The following ROBO2 variants were observed in gnomAD, a reference collection of about 807,000 sequenced individuals.
ROBO2 encodes roundabout homolog 2.
In ROBO2, 53 loss-of-function variants were observed where a neutral mutation model predicts 160.8. The ratio of observed to expected loss-of-function variants is 0.33; its 90% CI spans 0.26 to 0.41. The LOEUF (loss-of-function observed/expected upper bound fraction) is 0.41, where lower values mean the gene tolerates loss of function less well. Ranked by LOEUF, ROBO2 falls within the 10% of genes least tolerant of loss-of-function variation. The pLI, the probability that ROBO2 is intolerant of heterozygous loss-of-function variation, is 1.00. For missense variants in ROBO2, 1,577 were observed against 1,722.4 expected, an observed-to-expected ratio of 0.92 and a Z score of 1.49; for synonymous variants, 664 against 611.7, an observed-to-expected ratio of 1.09 and a Z score of -1.26.
intron 2 of ROBO2, among the ~76,000 whole-genome samples, chr3:77,118,315 A>T (rs527347355): frequency 6.6e-6 from 1 of 152,322 alleles, no homozygotes; most frequent in Admixed American, 6.5e-5. Context: ...ACTGCTGTGG[A>T]TGTTCAAAAA....
intron 2 of ROBO2, among the ~76,000 whole-genome samples, chr3:76,279,669 C>G (rs1553694880): frequency 6.6e-6 from 1 of 151,902 alleles, no homozygotes; most frequent in Non-Finnish European, 1.5e-5. Context: ...TGTCCTTTAA[C>G]ATTCCATATT....
At chr3:77,222,013 C>T (rs1454468465) in intron 2 of ROBO2, among the ~76,000 whole-genome samples, 3 of 151,866 alleles carry the variant, frequency 2.0e-5, no homozygotes, top group Non-Finnish European at 4.4e-5. Context: ...CCACTACTCC[C>T]AGCTAATTTT....
At chr3:76,176,492 G>C (rs1360466289) in intron 2 of ROBO2, among the ~76,000 whole-genome samples, 1 of 152,048 alleles carries the variant, frequency 6.6e-6, no homozygotes, top group Non-Finnish European at 1.5e-5. Flanking sequence ...GAAGTACTAA[G>C]AGAATACAGA....
intron 2 of ROBO2, among the ~76,000 whole-genome samples, chr3:76,740,016 T>C (rs563792693): frequency 5.9e-5 from 9 of 152,326 alleles, no homozygotes; most frequent in Non-Finnish European, 1.3e-4. Flanking sequence ...TTTTTGAACA[T>C]ATCTTTTTGC....
At chr3:76,480,170 C>A (rs1158732755) in intron 2 of ROBO2, among the ~76,000 whole-genome samples, 1 of 152,132 alleles carries the variant, frequency 6.6e-6, no homozygotes, top group Non-Finnish European at 1.5e-5. Flanking sequence ...CTTGCCAATT[C>A]TTTTTGTTTC....
intron 2 of ROBO2, among the ~76,000 whole-genome samples, chr3:76,471,221 C>A (rs908929343): frequency 3.3e-5 from 5 of 152,078 alleles, no homozygotes; most frequent in Admixed American, 3.3e-4. Context: ...GAAGTCATGG[C>A]AGGTAACAGG....
At chr3:76,742,648 C>A (rs895893809) in intron 2 of ROBO2, among the ~76,000 whole-genome samples, 1 of 152,086 alleles carries the variant, frequency 6.6e-6, no homozygotes, top group Non-Finnish European at 1.5e-5. Flanking sequence ...TAGCTTTTTA[C>A]AAGAACATCA....
intron 2 of ROBO2, among the ~76,000 whole-genome samples, chr3:77,398,774 C>T (rs13088007): frequency 0.5 from 75,769 of 151,036 alleles, 20,488 homozygotes; most frequent in African/African-American, 0.72. Flanking sequence ...TGGTAGAGAG[C>T]GGGGTTTCAC....
intron 2 of ROBO2, among the ~76,000 whole-genome samples, chr3:76,703,333 C>G (rs755540031): frequency 6.6e-6 from 1 of 152,032 alleles, no homozygotes; most frequent in Non-Finnish European, 1.5e-5. Flanking sequence ...CACTAAACAC[C>G]AATATTTACT....
intron 2 of ROBO2, among the ~76,000 whole-genome samples, chr3:77,410,753 CTCT>C (rs2076729428): frequency 1.4e-5 from 2 of 147,616 alleles, no homozygotes; most frequent in Non-Finnish European, 3.0e-5. Flanking sequence ...TTTCCTCCTC[CTCT>C]TCCTCCTCCT....
In ROBO2 at chr3:77,580,008, G is replaced by A. The variant is rs201678507; in HGVS notation, c.2390G>A (p.Arg797Gln). 4.3e-5 allele frequency: 69 copies of A among 1,613,612 alleles called. No individual in the cohort carries two copies. In the Middle Eastern group the frequency reaches 8.2e-4, roughly 19 times the overall value. Reference sequence around the variant, plus strand: ...AACAAAACTGTGGATGCAGCCATTCGGTCCGTAATAATTGGTGGATTATTC... The same window carrying A: ...AACAAAACTGTGGATGCAGCCATTCAGTCCGTAATAATTGGTGGATTATTC... The change falls in exon 16 of 26, where the codon CGG becomes CAG. Residue 797 changes from arginine to glutamine, a missense_variant. Around this residue, in one of 2 missense-constraint regions of ROBO2, gnomAD observed 940 missense variants for 1,135.5 expected, o/e 0.83. Transcript: ENST00000461745.
chr3:76,372,109 T>A (rs1156581037), intron 2 of ROBO2, among the ~76,000 whole-genome samples: 1 of 151,902 alleles, frequency 6.6e-6, no homozygotes, highest in African/African-American at 2.4e-5. Flanking sequence ...CATGATGGGT[T>A]TTTTTGTACA....
At chr3:76,412,559 C>T (rs1291162827) in intron 2 of ROBO2, among the ~76,000 whole-genome samples, 1 of 152,174 alleles carries the variant, frequency 6.6e-6, no homozygotes, top group African/African-American at 2.4e-5. Context: ...TACAGCCACT[C>T]CAAATGGAAG....
intron 2 of ROBO2, among the ~76,000 whole-genome samples, chr3:76,624,519 C>T (rs1034639299): frequency 3.5e-5 from 5 of 143,406 alleles, no homozygotes; most frequent in African/African-American, 1.3e-4. Context: ...TTATAGAGGC[C>T]GGGCGCGGTG....
At chr3:76,038,780 G>A (rs1226033761) in intron 2 of ROBO2, among the ~76,000 whole-genome samples, 4 of 110,860 alleles carry the variant, frequency 3.6e-5, no homozygotes, top group Non-Finnish European at 6.8e-5. Flanking sequence ...GTGTGTGTGT[G>A]TGTGTGTGTG....
intron 2 of ROBO2, among the ~76,000 whole-genome samples, chr3:76,649,217 C>T (rs556349038): frequency 1.8e-4 from 27 of 152,084 alleles, no homozygotes; most frequent in African/African-American, 6.3e-4. Flanking sequence ...TACAACTCAA[C>T]CAATTCTAGT....
At chr3:76,750,598 G>GTC (rs2093968218) in intron 2 of ROBO2, among the ~76,000 whole-genome samples, 5 of 151,594 alleles carry the variant, frequency 3.3e-5, no homozygotes, top group Admixed American at 6.6e-5. Flanking sequence ...CTTCAGCAAA[G>GTC]TCAGGATACA....
intron 2 of ROBO2, among the ~76,000 whole-genome samples, chr3:76,764,594 A>G (rs2061477971): frequency 6.6e-6 from 1 of 151,668 alleles, no homozygotes; most frequent in Non-Finnish European, 1.5e-5. Context: ...CCACTTATAT[A>G]TCTTAGGCTA....
intron 2 of ROBO2, among the ~76,000 whole-genome samples, chr3:77,467,407 G>A (rs1219627387): frequency 6.6e-6 from 1 of 152,080 alleles, no homozygotes; most frequent in Non-Finnish European, 1.5e-5. Context: ...ATTCTACAAA[G>A]CACCTGTAAC....
Sources: allele counts gnomAD v4.1 joint callset (sites outside exome capture counted in the v4.1 genomes callset), GRCh38; gene constraint gnomAD v4.1.1; regional missense constraint gnomAD v4.1.1; transcripts MANE v1.5; gene names NCBI Gene and HGNC (gene_info 2026-07-23, HGNC 2026-07-21).